Variants in PXDNL observed in about 807,000 individuals in gnomAD.
The protein encoded by PXDNL is peroxidasin like, also known as probable oxidoreductase PXDNL.
A neutral mutation model predicts 150.8 loss-of-function variants in PXDNL; 145 were observed. The observed-to-expected ratio is 0.96, with a 90% CI of 0.84 to 1.10. The LOEUF (loss-of-function observed/expected upper bound fraction) is 1.10. PXDNL is among the 50% of genes least tolerant of loss of function. PXDNL has a pLI of 0.00. For synonymous variants in PXDNL, 757 were observed against 725.7 expected (o/e 1.04, Z -0.69); for missense variants, 2,087 against 1,873.9 (o/e 1.11, Z -2.10).
chr8:51,805,573 T>C (rs937830539), intron 1 of PXDNL, among the ~76,000 whole-genome samples: 1 of 151,648 alleles, frequency 6.6e-6, no homozygotes, highest in Admixed American at 6.6e-5. Context: ...TGACTGAGCA[T>C]AAGACATTTT....
intron 4 of PXDNL, among the ~76,000 whole-genome samples, chr8:51,520,960 G>A (rs1325331166): frequency 9.9e-5 from 15 of 152,202 alleles, no homozygotes; most frequent in Admixed American, 9.8e-4. Context: ...CCTGGCTCAT[G>A]ACTGTAATCC....
intron 1 of PXDNL, among the ~76,000 whole-genome samples, chr8:51,715,451 G>A (rs1283355336): frequency 6.6e-6 from 1 of 152,114 alleles, no homozygotes; most frequent in African/African-American, 2.4e-5. Flanking sequence ...CAGTAGAGAA[G>A]AATGAAAAAA....
chr8:51,704,918 T>C (rs2085299247), intron 1 of PXDNL, among the ~76,000 whole-genome samples: 1 of 152,186 alleles, frequency 6.6e-6, no homozygotes, highest in Admixed American at 6.5e-5. Context: ...TATTGGACCT[T>C]AGTAAACAGC....
At chr8:51,551,020 T>A (rs1812468438) in intron 4 of PXDNL, among the ~76,000 whole-genome samples, 1 of 151,820 alleles carries the variant, frequency 6.6e-6, no homozygotes, top group Non-Finnish European at 1.5e-5. Flanking sequence ...ACACCAACAG[T>A]GACCAAGCTG....
At chr8:51,505,198 C>T (rs565411811) in intron 4 of PXDNL, among the ~76,000 whole-genome samples, 2 of 152,260 alleles carry the variant, frequency 1.3e-5, no homozygotes, top group Admixed American at 6.5e-5. Context: ...TACACAACCA[C>T]CCCGAGGTAT....
intron 1 of PXDNL, among the ~76,000 whole-genome samples, chr8:51,701,820 G>A (rs1483018596): frequency 9.9e-6 from 1 of 101,350 alleles, no homozygotes; most frequent in East Asian, 2.9e-4. Context: ...AGACATTTTC[G>A]AAATGCAGTC....
At chr8:51,777,949 T>A (rs2037370247) in intron 1 of PXDNL, among the ~76,000 whole-genome samples, 1 of 152,010 alleles carries the variant, frequency 6.6e-6, no homozygotes, top group African/African-American at 2.4e-5. Context: ...TTCTTTGGTG[T>A]GTATTGGAAA....
chr8:51,453,858 G>A, intron 9 of PXDNL, 73 bp from the exon 10 acceptor site: 1 of 1,493,994 alleles, frequency 6.7e-7, no homozygotes, highest in Non-Finnish European at 9.0e-7. Flanking sequence ...CTGCATTGTG[G>A]TTTTAAGATT....
rs189594021 is a variant in PXDNL, at chr8:51,551,565, A to G, written c.380+5275T>C. On this transcript the variant is annotated intron_variant, in intron 4 of 22. Transcript: ENST00000356297. ...GATCTTTGGCAAAGCAAATAAAAAC[A>G]TAAAGTGGGGAAAGGAGACCCTATT... 8.1e-4 allele frequency among the ~76,000 whole-genome samples: 123 copies of G among 152,336 alleles called. 1 individual carries two copies. The highest frequency in any genetic ancestry group is 1.2e-3 in the Non-Finnish European group (79 of 68,018).
intron 17 of PXDNL, among the ~76,000 whole-genome samples, chr8:51,387,204 T>TA (rs1294927986): frequency 6.6e-6 from 1 of 152,258 alleles, no homozygotes; most frequent in Admixed American, 6.5e-5. Flanking sequence ...GACAACATTC[T>TA]AAACTGATGA....
At chr8:51,548,446 A>G (rs1038126953) in intron 4 of PXDNL, among the ~76,000 whole-genome samples, 1 of 152,214 alleles carries the variant, frequency 6.6e-6, no homozygotes, top group Non-Finnish European at 1.5e-5. Flanking sequence ...AGGCAAAAGT[A>G]CCAGGTAGTC....
At chr8:51,661,176 C>G (rs1002537820) in intron 1 of PXDNL, among the ~76,000 whole-genome samples, 1 of 152,154 alleles carries the variant, frequency 6.6e-6, no homozygotes, top group Non-Finnish European at 1.5e-5. Context: ...CTCCATCTTG[C>G]CCGATTCCCA....
chr8:51,446,897 T>C (rs1586113873), intron 12 of PXDNL, 107 bp downstream of exon 12: 2 of 771,104 alleles, frequency 2.6e-6, no homozygotes, highest in African/African-American at 1.8e-5. Context: ...CATATGACTA[T>C]ATATATATAT....
chr8:51,797,186 A>G (rs1344705631), intron 1 of PXDNL, among the ~76,000 whole-genome samples: 1 of 152,190 alleles, frequency 6.6e-6, no homozygotes, highest in Non-Finnish European at 1.5e-5. Context: ...AAATAATAAG[A>G]GCCATTTATG....
intron 1 of PXDNL, among the ~76,000 whole-genome samples, chr8:51,779,874 C>A (rs2037393551): frequency 6.6e-6 from 1 of 152,178 alleles, no homozygotes; most frequent in South Asian, 2.1e-4. Flanking sequence ...TTTCAAAGCA[C>A]TGTTCCCACA....
intron 9 of PXDNL, among the ~76,000 whole-genome samples, chr8:51,455,383 T>C (rs1809917436): frequency 6.6e-6 from 1 of 152,096 alleles, no homozygotes; most frequent in Non-Finnish European, 1.5e-5. Flanking sequence ...TTGACAGATG[T>C]AAAGATTTAC....
At chr8:51,443,894 A>G (rs1303698634) in intron 12 of PXDNL, among the ~76,000 whole-genome samples, 1 of 151,968 alleles carries the variant, frequency 6.6e-6, no homozygotes, top group Non-Finnish European at 1.5e-5. Flanking sequence ...TCTTTTTTTT[A>G]TTATCCTTTA....
At chr8:51,664,237 G>A (rs1815334882) in intron 1 of PXDNL, among the ~76,000 whole-genome samples, 1 of 152,088 alleles carries the variant, frequency 6.6e-6, no homozygotes, top group Non-Finnish European at 1.5e-5. Flanking sequence ...GTTATATAAA[G>A]TAATGTCTTT....
chr8:51,589,218 T>C (rs1813388375), intron 3 of PXDNL, among the ~76,000 whole-genome samples: 1 of 152,172 alleles, frequency 6.6e-6, no homozygotes, highest in Admixed American at 6.5e-5. Flanking sequence ...TCTTTATAAA[T>C]TTCCCAGTCT....
Sources: allele counts gnomAD v4.1 joint callset (sites outside exome capture counted in the v4.1 genomes callset), GRCh38; gene constraint gnomAD v4.1.1; transcripts MANE v1.5; gene names NCBI Gene and HGNC (gene_info 2026-07-23, HGNC 2026-07-21).